Variants in SGCD observed in about 807,000 individuals in gnomAD.
SGCD encodes the protein delta-sarcoglycan.
In SGCD, 18 loss-of-function variants were observed where a neutral mutation model predicts 36.6. The ratio of observed to expected loss-of-function variants is 0.49; its 90% CI spans 0.34 to 0.73. The LOEUF is 0.73. Ranked by LOEUF, SGCD falls within the 30% of genes least tolerant of loss-of-function variation. The pLI, the probability that SGCD is intolerant of heterozygous loss-of-function variation, is 0.01. For missense variants in SGCD, 387 were observed against 346.7 expected (o/e 1.12, Z -0.92); for synonymous variants, 133 against 130.6 (o/e 1.02, Z -0.12).
chr5:156,375,856 A>G (rs1392093351), intron 3 of SGCD, among the ~76,000 whole-genome samples: 4 of 152,282 alleles, frequency 2.6e-5, no homozygotes, highest in Non-Finnish European at 5.9e-5. Context: ...AAACTCTGCT[A>G]TATTTTTACA....
chr5:156,694,586 A>G (rs562175767), intron 7 of SGCD, among the ~76,000 whole-genome samples: 21 of 152,304 alleles, frequency 1.4e-4, no homozygotes, highest in African/African-American at 4.8e-4. Flanking sequence ...TTTATTCTTC[A>G]GCCTTTCCTC....
At chr5:156,298,799 T>C (rs1766971822) in intron 3 of SGCD, among the ~76,000 whole-genome samples, 1 of 152,106 alleles carries the variant, frequency 6.6e-6, no homozygotes, top group Admixed American at 6.5e-5. Flanking sequence ...GATTATTAGA[T>C]ATTTTCCTAT....
intron 2 of SGCD, among the ~76,000 whole-genome samples, chr5:156,338,221 A>T (rs1768461427): frequency 1.3e-5 from 2 of 152,208 alleles, no homozygotes; most frequent in South Asian, 4.1e-4. Flanking sequence ...TTTGCACAGC[A>T]AATTGGTAAT....
At chr5:156,578,305 T>A (rs1760071145) in intron 4 of SGCD, among the ~76,000 whole-genome samples, 1 of 152,234 alleles carries the variant, frequency 6.6e-6, no homozygotes, top group Non-Finnish European at 1.5e-5. Flanking sequence ...TGCTGCTGGA[T>A]TCGATTTGCC....
intron 1 of SGCD, among the ~76,000 whole-genome samples, chr5:156,062,230 A>G (rs1443141565): frequency 1.5e-5 from 1 of 66,958 alleles, no homozygotes; most frequent in Non-Finnish European, 2.5e-5. Context: ...ATGGTTTCCA[A>G]TTTCATCCAT....
chr5:156,453,623 G>A (rs1451396040), intron 3 of SGCD, among the ~76,000 whole-genome samples: 1 of 152,090 alleles, frequency 6.6e-6, no homozygotes, highest in East Asian at 1.9e-4. Flanking sequence ...GGGAAGGGCG[G>A]TACTCTCAAA....
chr5:156,012,639 G>A (rs2127571133), intron 1 of SGCD, among the ~76,000 whole-genome samples: 1 of 147,328 alleles, frequency 6.8e-6, no homozygotes, highest in South Asian at 2.1e-4. Flanking sequence ...TTGAGAGGGA[G>A]TCTCGCTCTG....
At chr5:155,832,735 C>A in the SGCD span, among the ~76,000 whole-genome samples, 91,539 of 151,902 alleles carry the variant, frequency 0.6, 29,359 homozygotes, top group African/African-American at 0.82. Context: ...TGAGTGAAAC[C>A]AAATAGTGTT....
At chr5:156,623,228 C>T (rs1437796038) in intron 6 of SGCD, among the ~76,000 whole-genome samples, 1 of 152,026 alleles carries the variant, frequency 6.6e-6, no homozygotes, top group South Asian at 2.1e-4. Context: ...CTGTGTGTCA[C>T]GTTCAGGCGT....
the SGCD span, among the ~76,000 whole-genome samples, chr5:155,803,465 G>C: frequency 2.0e-5 from 3 of 152,106 alleles, no homozygotes; most frequent in Non-Finnish European, 2.9e-5. Flanking sequence ...CAGAGTAAGA[G>C]GGGAAATAAA....
At chr5:155,769,332 C>T in the SGCD span, among the ~76,000 whole-genome samples, 1 of 150,948 alleles carries the variant, frequency 6.6e-6, no homozygotes, top group East Asian at 1.9e-4. Flanking sequence ...TAAGCGTACA[C>T]CTGTATTTCA....
chr5:156,421,129 T>A (rs1773287015), intron 3 of SGCD, among the ~76,000 whole-genome samples: 1 of 152,056 alleles, frequency 6.6e-6, no homozygotes, highest in African/African-American at 2.4e-5. Flanking sequence ...ATGGTCTCAA[T>A]GGAATACTTC....
intron 3 of SGCD, among the ~76,000 whole-genome samples, chr5:156,496,763 T>C (rs980011140): frequency 6.6e-6 from 1 of 152,162 alleles, no homozygotes; most frequent in Non-Finnish European, 1.5e-5. Context: ...TAGGGAAATA[T>C]AGTCCTACAC....
At chr5:156,200,413 G>A (rs1004048175) in intron 3 of SGCD, among the ~76,000 whole-genome samples, 1 of 152,086 alleles carries the variant, frequency 6.6e-6, no homozygotes, top group Non-Finnish European at 1.5e-5. Flanking sequence ...ACACGAAGGG[G>A]AAAGCACAGT....
chr5:156,446,980 T>C (rs557640600), intron 3 of SGCD, among the ~76,000 whole-genome samples: 1 of 152,248 alleles, frequency 6.6e-6, no homozygotes, highest in East Asian at 1.9e-4. Flanking sequence ...TAGCCCAGGT[T>C]TCTGCAAGCA....
At chr5:156,394,228 G>A (rs999257467) in intron 3 of SGCD, among the ~76,000 whole-genome samples, 15 of 152,142 alleles carry the variant, frequency 9.9e-5, no homozygotes, top group African/African-American at 1.4e-4. Context: ...AGTGGATGAC[G>A]TAAGTTTATA....
At chr5:156,494,623 G>A (rs145033109) in intron 3 of SGCD, among the ~76,000 whole-genome samples, 292 of 152,144 alleles carry the variant, frequency 1.9e-3, no homozygotes, top group African/African-American at 6.1e-3. Context: ...ATCAGCTCCC[G>A]TCATTGCCCT....
At chr5:156,528,129 G>A (rs1757718893) in intron 4 of SGCD, among the ~76,000 whole-genome samples, 1 of 152,110 alleles carries the variant, frequency 6.6e-6, no homozygotes. Context: ...CATGGTATTT[G>A]GGAGCAGGAT....
intron 1 of SGCD, among the ~76,000 whole-genome samples, chr5:155,918,670 A>G (rs147874997): frequency 1.9e-3 from 297 of 152,336 alleles, no homozygotes; most frequent in Admixed American, 2.4e-3. Flanking sequence ...TTTATCATAC[A>G]GTTAGTTTTT....
Sources: allele counts gnomAD v4.1 joint callset (sites outside exome capture counted in the v4.1 genomes callset), GRCh38; gene constraint gnomAD v4.1.1; transcripts MANE v1.5; gene names NCBI Gene and HGNC (gene_info 2026-07-23, HGNC 2026-07-21).